The following EFCAB12 variants were observed in gnomAD, a reference collection of about 807,000 sequenced individuals.
The protein encoded by EFCAB12 is EF-hand calcium binding domain 12, also known as EF-hand calcium-binding domain-containing protein 12.
EFCAB12 carries 43 observed loss-of-function variants against 53.6 expected under a neutral mutation model. That is an observed-to-expected ratio of 0.80 (90% CI 0.63 to 1.03). EFCAB12 has a LOEUF of 1.03. Ranked by LOEUF, EFCAB12 falls within the 50% of genes least tolerant of loss-of-function variation. EFCAB12 has a pLI of 0.00. For missense variants in EFCAB12, 646 were observed against 730.6 expected (o/e 0.88, Z 1.34); for synonymous variants, 269 against 289.2 (o/e 0.93, Z 0.71).
At chr3:129,402,215 A>AC (rs2071881814) in intron 8 of EFCAB12, among the ~76,000 whole-genome samples, 1 of 152,190 alleles carries the variant, frequency 6.6e-6, no homozygotes, top group Admixed American at 6.5e-5. Context: ...TCAGATCCCC[A>AC]CTGCATCACT....
chr3:129,428,452 A>G lies in EFCAB12; in HGVS notation c.37T>C (p.Leu13=), dbSNP rs374619709. Residue 13 remains leucine, a synonymous_variant, in exon 1 of 9, where the codon TTG becomes CTG. Coordinates refer to ENST00000505956, the MANE Select transcript of EFCAB12 (RefSeq NM_207307.3). ...TCCCGGGGCTTACCGAGCAGCGACA[A>G]GAACAGACTGTGGTACGCTTCATAG... is the stretch of plus-strand genomic sequence containing the variant. ...DDYEAYHSLF[L]SLLGLCPSKT... 4 of 1,610,680 alleles carry G rather than the reference A, an allele frequency of 2.5e-6. No homozygotes were observed. The highest frequency in any genetic ancestry group is 1.7e-5 in the Admixed American group (1 of 59,548).
intron 4 of EFCAB12, chr3:129,411,886 G>A (rs57405830): frequency 0.052 from 7,886 of 152,888 alleles, 250 homozygotes; most frequent in Middle Eastern, 0.11. Flanking sequence ...AGCCGAGATC[G>A]TGCCACTGCA....
chr3:129,407,705 G>A (rs2071971212), intron 6 of EFCAB12, among the ~76,000 whole-genome samples: 1 of 152,208 alleles, frequency 6.6e-6, no homozygotes, highest in African/African-American at 2.4e-5. Flanking sequence ...CCTGAGGTCA[G>A]GAGTTCAAGA....
At chr3:129,410,934 G>A (rs2072028974) in intron 5 of EFCAB12, among the ~76,000 whole-genome samples, 1 of 152,190 alleles carries the variant, frequency 6.6e-6, no homozygotes, top group South Asian at 2.1e-4. Flanking sequence ...GGGAGAGGGG[G>A]ACGTGATAGT....
At position 129,415,326 on chromosome 3, in the gene EFCAB12, T is replaced by C. The variant is rs762529482; in HGVS notation, c.757A>G (p.Ile253Val). The change falls in exon 4 of 9, where the codon ATC becomes GTC. Residue 253 changes from isoleucine (I) to valine (V), a missense_variant. Coordinates refer to ENST00000505956, the MANE Select transcript of EFCAB12 (RefSeq NM_207307.3). Reference sequence around the variant, plus strand: ...GTATTGGCCAGGATATCCATGGTGATGGTGTTGTGCTTCCCAAGAGAGCTG... The same window carrying C: ...GTATTGGCCAGGATATCCATGGTGACGGTGTTGTGCTTCCCAAGAGAGCTG... The part of the protein sequence containing the change: ...YLSSLGKHNT[I>V]TMDILANTYK... The C allele has an allele frequency of 6.2e-7, 1 of 1,613,674 alleles. No homozygotes were observed. Among genetic ancestry groups the C allele is most frequent in the Non-Finnish European group, 8.5e-7 (1 of 1,179,838 alleles).
At chr3:129,408,895 G>A (rs550988228) in intron 5 of EFCAB12, 37 bp from the exon 6 acceptor site, 30 of 1,544,660 alleles carry the variant, frequency 1.9e-5, no homozygotes, top group Non-Finnish European at 2.5e-5. Context: ...CCCTTCTCTC[G>A]CCTGTGTCCC....
chr3:129,402,380 C>G lies in EFCAB12; in HGVS notation c.1460+143G>C, dbSNP rs2071883868. On this transcript the variant is annotated intron_variant, in intron 8 of 8. Transcript: ENST00000505956. Reference sequence around the variant, plus strand: ...AGCCCCAGAGCAATGCCTCCTGGCCCTCTCTGTGTTGTGTCACTGCCTCTC... The same window carrying G: ...AGCCCCAGAGCAATGCCTCCTGGCCGTCTCTGTGTTGTGTCACTGCCTCTC... 3 of 891,156 alleles carry G rather than the reference C, an allele frequency of 3.4e-6. No homozygotes were observed. The Admixed American group carries it at 6.0e-5, about 18-fold the overall frequency. 55.2% of individuals were successfully genotyped at this position (891,156 alleles called of 1,614,324 possible). A position where few individuals can be genotyped will look rare whatever the true frequency, so the allele number is the denominator to read the frequency against.
intron 1 of EFCAB12, among the ~76,000 whole-genome samples, chr3:129,425,968 T>C (rs1229554685): frequency 6.6e-6 from 1 of 152,232 alleles, no homozygotes; most frequent in African/African-American, 2.4e-5. Flanking sequence ...TTCTACCCTT[T>C]GGTTCTAGTC....
intron 7 of EFCAB12, chr3:129,403,507 A>T (rs938998782): frequency 6.6e-6 from 1 of 152,258 alleles, no homozygotes; most frequent in Non-Finnish European, 1.5e-5. Flanking sequence ...TTCTGGCCAC[A>T]CACCCAGTGG....
rs148569481 is a variant in EFCAB12, at chr3:129,406,006, A to T, written c.1250-1603T>A. On this transcript the variant is annotated intron_variant, in intron 6 of 8. Transcript: ENST00000505956. Reference sequence around the variant, plus strand: ...AGTGGGACGATCGCTTGAGCCCAGGAGTTCGAGATCAGCCTGGGCAACAAA... The same window carrying T: ...AGTGGGACGATCGCTTGAGCCCAGGTGTTCGAGATCAGCCTGGGCAACAAA... Among the ~76,000 whole-genome samples, 150 of 151,694 alleles carry T rather than the reference A, an allele frequency of 9.9e-4. 1 individual carries two copies. In the East Asian group the frequency reaches 0.028, roughly 28 times the overall value.
chr3:129,424,857 T>C (rs1048659929), intron 1 of EFCAB12, among the ~76,000 whole-genome samples: 57 of 152,214 alleles, frequency 3.7e-4, no homozygotes, highest in African/African-American at 1.3e-3. Context: ...TGGAACAAGG[T>C]GGGGCACCCA....
chr3:129,411,655 C>A, intron 4 of EFCAB12: 1 of 239,838 alleles, frequency 4.2e-6, no homozygotes, highest in Non-Finnish European at 8.1e-6. Flanking sequence ...TAGAGTATAG[C>A]CAGGCGCGGT....
chr3:129,427,912 G>A (rs190428099), intron 1 of EFCAB12, among the ~76,000 whole-genome samples: 14 of 152,186 alleles, frequency 9.2e-5, no homozygotes, highest in African/African-American at 3.4e-4. Context: ...TTCCCCTTTT[G>A]GCTTGGAGAA....
chr3:129,416,588 A>G (rs1450547186), intron 3 of EFCAB12, among the ~76,000 whole-genome samples: 1 of 152,232 alleles, frequency 6.6e-6, no homozygotes, highest in Admixed American at 6.5e-5. Context: ...AACTGATAAT[A>G]ATTTAAAACC....
chr3:129,407,642 G>A (rs1477746845), intron 6 of EFCAB12, among the ~76,000 whole-genome samples: 4 of 152,282 alleles, frequency 2.6e-5, no homozygotes, highest in Middle Eastern at 3.4e-3. Flanking sequence ...GGCCGGGTGC[G>A]GTGGCTCATG....
Position 129,418,346 on chromosome 3 carries a change from G to T in EFCAB12, c.589C>A (p.Arg197Ser), listed in dbSNP as rs537090084. Residue 197 changes from arginine to serine, a missense_variant, in exon 3 of 9, where the codon CGC (arginine) becomes AGC (serine). Physicochemically the swap from Arg to Ser is moderately radical, Grantham distance 110 (BLOSUM62 -1). Coordinates refer to ENST00000505956, the MANE Select transcript of EFCAB12 (RefSeq NM_207307.3). Reference sequence around the variant, plus strand: ...AATATCTCCAGGATCTTGATCTTGCGGCTATGCAGGTAGGAGTACATGACC... The same window carrying T: ...AATATCTCCAGGATCTTGATCTTGCTGCTATGCAGGTAGGAGTACATGACC... ...LSVMYSYLHS[R>S]KIKILEIFHK... The T allele has an allele frequency of 6.8e-6, 11 of 1,613,768 alleles. No individual in the cohort carries two copies. The highest frequency in any genetic ancestry group is 3.3e-5 in the Admixed American group (2 of 59,996).
At chr3:129,420,892 GA>G (rs1334488945) in intron 2 of EFCAB12, among the ~76,000 whole-genome samples, 3 of 152,148 alleles carry the variant, frequency 2.0e-5, no homozygotes, top group Admixed American at 2.0e-4. Context: ...CTCTTTTTTG[GA>G]CCCTTCACTC....
chr3:129,418,297 T>G lies in EFCAB12; in HGVS notation c.638A>C (p.Asn213Thr), dbSNP rs376715876. 5 of 1,613,274 alleles carry G rather than the reference T, an allele frequency of 3.1e-6. No homozygotes were observed. The East Asian group carries it at 1.1e-4, about 36-fold the overall frequency. ...GAACTCCTCCCTGGTGATTCTCTGG[T>G]TCTCACCCTGGCCCACCTTGTGAAA... is the stretch of plus-strand genomic sequence containing the variant. ...EIFHKVGQGENQRITREEFIA... is the reference protein window; with the variant it reads ...EIFHKVGQGETQRITREEFIA... Residue 213 changes from asparagine to threonine, a missense_variant, in exon 3 of 9, where the codon AAC (asparagine) becomes ACC (threonine). Physicochemically the swap from Asn to Thr is moderately conservative, Grantham distance 65. Transcript: ENST00000505956.
At chr3:129,412,890 T>A (rs1392539246) in intron 4 of EFCAB12, 1 of 152,252 alleles carries the variant, frequency 6.6e-6, no homozygotes, top group Non-Finnish European at 1.5e-5. Flanking sequence ...AAGTGGCACA[T>A]AGTAGTTGCT....
Sources: allele counts gnomAD v4.1 joint callset (sites outside exome capture counted in the v4.1 genomes callset), GRCh38; gene constraint gnomAD v4.1.1; transcripts MANE v1.5; gene names NCBI Gene and HGNC (gene_info 2026-07-23, HGNC 2026-07-21).